TNFRSF13B: variants seen among roughly 807,000 people sequenced by gnomAD.
TNFRSF13B encodes the protein tumor necrosis factor receptor superfamily member 13B.
In TNFRSF13B, 34 loss-of-function variants were observed where a neutral mutation model predicts 24.0. That is an observed-to-expected ratio of 1.41 (90% CI 1.08 to 1.88). TNFRSF13B has a LOEUF of 1.88. Ranked by LOEUF, TNFRSF13B falls within the 40% of genes most tolerant of loss-of-function variation. The probability of loss-of-function intolerance (pLI) is 0.00; values close to 1 mark genes in which losing one functional copy is unlikely to be tolerated. For missense variants in TNFRSF13B, 415 were observed against 380.8 expected (o/e 1.09, Z -0.75); for synonymous variants, 173 against 150.3 (o/e 1.15, Z -1.10).
At chr17:16,954,697 G>A (rs913638029) in intron 1 of TNFRSF13B, among the ~76,000 whole-genome samples, 1 of 152,226 alleles carries the variant, frequency 6.6e-6, no homozygotes. Context: ...TATCTCTGAC[G>A]GCAGGGCTGG....
At chr17:16,945,274 G>T (rs2087539610) in intron 3 of TNFRSF13B, among the ~76,000 whole-genome samples, 1 of 152,192 alleles carries the variant, frequency 6.6e-6, no homozygotes. Context: ...GAGGCTCCAA[G>T]GTTCTGCCCA....
chr17:16,946,571 T>TTTA (rs2087549600), intron 3 of TNFRSF13B, among the ~76,000 whole-genome samples: 1 of 138,132 alleles, frequency 7.2e-6, no homozygotes, highest in African/African-American at 2.5e-5. Context: ...TATTTTTATT[T>TTTA]TTATTTTTAT....
intron 1 of TNFRSF13B, among the ~76,000 whole-genome samples, chr17:16,968,205 C>T (rs2087719388): frequency 7.0e-6 from 1 of 143,142 alleles, no homozygotes; most frequent in Admixed American, 6.9e-5. Flanking sequence ...AACTAAAAAA[C>T]ATTGCTGAAG....
chr17:16,953,522 C>T (rs960345510), intron 1 of TNFRSF13B, among the ~76,000 whole-genome samples: 4 of 152,158 alleles, frequency 2.6e-5, no homozygotes, highest in Non-Finnish European at 5.9e-5. Context: ...GAGGGAGCTA[C>T]TGTTCTGTTG....
chr17:16,969,103 T>A lies in TNFRSF13B; in HGVS notation c.61+2912A>T, dbSNP rs145114284. Among the ~76,000 whole-genome samples, 138 of 152,336 alleles carry A rather than the reference T, an allele frequency of 9.1e-4. 1 individual carries two copies. Among genetic ancestry groups the A allele is most frequent in the African/African-American group, 3.2e-3 (132 of 41,586 alleles). On this transcript the variant is annotated intron_variant, in intron 1 of 4. Transcript: ENST00000261652. ...GAACCCTCATGCATGAAGTGAATTA[T>A]AAAATAGTGCAGCTGCTTTGGAAAG... is the stretch of plus-strand genomic sequence containing the variant.
At chr17:16,967,397 A>G (rs2087709151) in intron 1 of TNFRSF13B, among the ~76,000 whole-genome samples, 1 of 152,136 alleles carries the variant, frequency 6.6e-6, no homozygotes, top group Non-Finnish European at 1.5e-5. Flanking sequence ...TTATTTTTGA[A>G]AAAAGGGGGA....
At chr17:16,971,486 A>G (rs2087744393) in intron 1 of TNFRSF13B, among the ~76,000 whole-genome samples, 1 of 152,238 alleles carries the variant, frequency 6.6e-6, no homozygotes, top group African/African-American at 2.4e-5. Context: ...AATGTGGGAC[A>G]GGCTGATTTG....
intron 1 of TNFRSF13B, among the ~76,000 whole-genome samples, chr17:16,967,769 AAAAG>A (rs1177737921): frequency 2.4e-4 from 35 of 146,942 alleles, no homozygotes; most frequent in East Asian, 7.9e-4. Flanking sequence ...AAAAAAAAAA[AAAAG>A]AAAGAAAGAA....
At chr17:16,960,245 G>A (rs1426978280) in intron 1 of TNFRSF13B, among the ~76,000 whole-genome samples, 1 of 152,114 alleles carries the variant, frequency 6.6e-6, no homozygotes, top group Non-Finnish European at 1.5e-5. Flanking sequence ...GGAATAGAAA[G>A]TAACTTTCCT....
intron 1 of TNFRSF13B, among the ~76,000 whole-genome samples, chr17:16,961,293 C>A (rs564122300): frequency 5.9e-5 from 9 of 152,300 alleles, no homozygotes; most frequent in African/African-American, 1.9e-4. Flanking sequence ...TACTTGTGCC[C>A]CAACATTCAG....
In TNFRSF13B at chr17:16,942,565, TG is replaced by T. The variant is rs546968054; in HGVS notation, c.446-2055del. Among the ~76,000 whole-genome samples, 99 of 152,228 alleles carry T rather than the reference TG, an allele frequency of 6.5e-4. 2 individuals carry two copies. In the South Asian group the frequency reaches 0.021, roughly 32 times the overall value. ...GCAAAGACCCCAGGACCTGCAAACT[TG>T]GTGCCACATATCCAAGGCTTACCTG... On this transcript the variant is annotated intron_variant, in intron 3 of 4. Coordinates refer to ENST00000261652, the MANE Select transcript of TNFRSF13B (RefSeq NM_012452.3).
chr17:16,957,198 C>T (rs1258566302), intron 1 of TNFRSF13B, among the ~76,000 whole-genome samples: 7 of 147,482 alleles, frequency 4.7e-5, no homozygotes, highest in African/African-American at 1.8e-4. Context: ...TTTTAAAGAA[C>T]CATACAGAAG....
intron 1 of TNFRSF13B, among the ~76,000 whole-genome samples, chr17:16,970,422 G>A (rs577655439): frequency 1.4e-4 from 21 of 152,250 alleles, no homozygotes; most frequent in South Asian, 4.2e-4. Flanking sequence ...GGGCTTGGCC[G>A]GTTAACAGGT....
intron 1 of TNFRSF13B, among the ~76,000 whole-genome samples, chr17:16,970,784 T>G (rs911500286): frequency 3.9e-5 from 6 of 152,224 alleles, no homozygotes; most frequent in African/African-American, 1.4e-4. Context: ...AATTTCATCC[T>G]GTGTTAAGGC....
chr17:16,943,485 C>G (rs1300680916), intron 3 of TNFRSF13B, among the ~76,000 whole-genome samples: 1 of 152,206 alleles, frequency 6.6e-6, no homozygotes. Flanking sequence ...CACTGTCCTT[C>G]TGTCCCCCTC....
At chr17:16,947,206 G>A (rs2087555814) in intron 3 of TNFRSF13B, among the ~76,000 whole-genome samples, 1 of 152,176 alleles carries the variant, frequency 6.6e-6, no homozygotes, top group Non-Finnish European at 1.5e-5. Context: ...ATAGATGCAA[G>A]ATGGATTACA....
At chr17:16,969,490 A>G (rs1481152307) in intron 1 of TNFRSF13B, among the ~76,000 whole-genome samples, 1 of 152,238 alleles carries the variant, frequency 6.6e-6, no homozygotes, top group Non-Finnish European at 1.5e-5. Flanking sequence ...GAAAATGTCC[A>G]AAACAGGCAA....
chr17:16,954,404 G>A lies in TNFRSF13B; in HGVS notation c.62-1821C>T, dbSNP rs140509812. Among the ~76,000 whole-genome samples the A allele has an allele frequency of 2.3e-3, 352 of 152,202 alleles. 2 individuals carry two copies. Among genetic ancestry groups the A allele is most frequent in the African/African-American group, 8.2e-3 (340 of 41,550 alleles). ...GTCTCTAAAAAAGGAAAAGAAAAAA[G>A]ACCAGGGGCCTCTCATTTAACACGG... On this transcript the variant is annotated intron_variant, in intron 1 of 4. Transcript: ENST00000261652.
At chr17:16,941,396 C>G in intron 3 of TNFRSF13B, 1 of 987,672 alleles carries the variant, frequency 1.0e-6, no homozygotes, top group Non-Finnish European at 1.2e-6. Context: ...ACAGACTCAG[C>G]CCAGGTGAAA....
Sources: allele counts gnomAD v4.1 joint callset (sites outside exome capture counted in the v4.1 genomes callset), GRCh38; gene constraint gnomAD v4.1.1; transcripts MANE v1.5; gene names NCBI Gene and HGNC (gene_info 2026-07-23, HGNC 2026-07-21).